Variants in OXR1 observed in about 807,000 individuals in gnomAD.
The protein encoded by OXR1 is oxidation resistance 1, also known as oxidation resistance protein 1.
In OXR1, 41 loss-of-function variants were observed where a neutral mutation model predicts 104.6. The ratio of observed to expected loss-of-function variants is 0.39; its 90% CI spans 0.31 to 0.51. OXR1 has a LOEUF of 0.51. OXR1 is among the 20% of genes least tolerant of loss of function. OXR1 has a pLI of 0.77. For missense variants in OXR1, 955 were observed against 1,031.9 expected, an observed-to-expected ratio of 0.93 and a Z score of 1.02; for synonymous variants, 348 against 348.4, an observed-to-expected ratio of 1.00 and a Z score of 0.01.
chr8:106,659,350 C>G (rs975455329), intron 3 of OXR1, among the ~76,000 whole-genome samples: 1 of 152,156 alleles, frequency 6.6e-6, no homozygotes, highest in Admixed American at 6.5e-5. Flanking sequence ...ATATTAAAGT[C>G]TCATTTTAGC....
chr8:106,660,615 G>A (rs1014014144), intron 3 of OXR1, among the ~76,000 whole-genome samples: 6 of 152,126 alleles, frequency 3.9e-5, no homozygotes, highest in African/African-American at 1.4e-4. Context: ...ACCCAACATC[G>A]GAGGAGTTAC....
chr8:106,511,978 A>T (rs1812561408), intron 2 of OXR1, among the ~76,000 whole-genome samples: 1 of 152,174 alleles, frequency 6.6e-6, no homozygotes, highest in Non-Finnish European at 1.5e-5. Flanking sequence ...CGTGTATAAC[A>T]TGTGGCCTTT....
intron 11 of OXR1, among the ~76,000 whole-genome samples, chr8:106,731,067 T>C (rs1433669026): frequency 6.6e-6 from 1 of 152,208 alleles, no homozygotes; most frequent in Non-Finnish European, 1.5e-5. Context: ...TTTATTTAAA[T>C]AGATGTGTAG....
intron 2 of OXR1, among the ~76,000 whole-genome samples, chr8:106,446,332 T>C (rs1820009436): frequency 6.6e-6 from 1 of 152,090 alleles, no homozygotes; most frequent in Non-Finnish European, 1.5e-5. Flanking sequence ...GAAATCAAAT[T>C]TTTGAGGCCG....
At chr8:106,349,975 G>A (rs1315456355) in intron 1 of OXR1, among the ~76,000 whole-genome samples, 3 of 152,132 alleles carry the variant, frequency 2.0e-5, no homozygotes, top group Non-Finnish European at 4.4e-5. Flanking sequence ...AAACAAGAGT[G>A]GATGTAAAAA....
At chr8:106,337,705 C>A (rs1205881928) in intron 1 of OXR1, among the ~76,000 whole-genome samples, 1 of 152,146 alleles carries the variant, frequency 6.6e-6, no homozygotes, top group Non-Finnish European at 1.5e-5. Flanking sequence ...GAGGTCATAT[C>A]TTTTCCTTCA....
chr8:106,749,319 G>C (rs1835680413), intron 16 of OXR1, among the ~76,000 whole-genome samples: 1 of 150,960 alleles, frequency 6.6e-6, no homozygotes, highest in African/African-American at 2.4e-5. Context: ...CTCCAGCTAG[G>C]GTGACAGAGC....
chr8:106,303,405 A>T (rs1277763876), intron 1 of OXR1, among the ~76,000 whole-genome samples: 1 of 149,436 alleles, frequency 6.7e-6, no homozygotes, highest in African/African-American at 2.5e-5. Context: ...CGCCCGGCTA[A>T]TTTTTTGTAT....
At chr8:106,438,033 G>A (rs185624652) in intron 2 of OXR1, among the ~76,000 whole-genome samples, 1 of 152,150 alleles carries the variant, frequency 6.6e-6, no homozygotes, top group African/African-American at 2.4e-5. Context: ...TTTGATGTGT[G>A]ATGTGCCATG....
intron 14 of OXR1, among the ~76,000 whole-genome samples, chr8:106,741,597 G>T (rs1834921874): frequency 1.3e-5 from 2 of 152,090 alleles, no homozygotes. Context: ...GACAGTGACT[G>T]TACAGATTAT....
chr8:106,347,915 A>G (rs1815564992), intron 1 of OXR1, among the ~76,000 whole-genome samples: 1 of 152,218 alleles, frequency 6.6e-6, no homozygotes. Context: ...GGTAAACCGT[A>G]ACATGAGTTT....
chr8:106,555,827 C>A (rs1816220178), intron 3 of OXR1, among the ~76,000 whole-genome samples: 1 of 149,676 alleles, frequency 6.7e-6, no homozygotes, highest in Non-Finnish European at 1.5e-5. Flanking sequence ...AACAGATGAA[C>A]AGACAAATTA....
chr8:106,621,179 C>T (rs771484390), intron 3 of OXR1, among the ~76,000 whole-genome samples: 1 of 152,122 alleles, frequency 6.6e-6, no homozygotes, highest in Non-Finnish European at 1.5e-5. Flanking sequence ...ATTAGCAAGC[C>T]ACAACCCACA....
intron 2 of OXR1, among the ~76,000 whole-genome samples, chr8:106,477,475 C>T (rs1434926210): frequency 6.6e-6 from 1 of 151,906 alleles, no homozygotes; most frequent in Non-Finnish European, 1.5e-5. Flanking sequence ...TTACTTTTCT[C>T]TAGACTTTGA....
At chr8:106,548,301 CG>C (rs1815532527) in intron 3 of OXR1, among the ~76,000 whole-genome samples, 1 of 152,146 alleles carries the variant, frequency 6.6e-6, no homozygotes, top group African/African-American at 2.4e-5. Context: ...CTAGGTTAAA[CG>C]ACTACTTAAC....
intron 3 of OXR1, among the ~76,000 whole-genome samples, chr8:106,612,871 T>G (rs1279009969): frequency 1.3e-5 from 2 of 152,106 alleles, no homozygotes; most frequent in East Asian, 3.9e-4. Flanking sequence ...GAGAGGCAGG[T>G]GGGTTAAGTA....
intron 1 of OXR1, among the ~76,000 whole-genome samples, chr8:106,316,082 C>T (rs926471360): frequency 2.0e-5 from 3 of 152,084 alleles, no homozygotes; most frequent in Admixed American, 6.5e-5. Flanking sequence ...TGTAGTAAGT[C>T]GACAGTGCAT....
chr8:106,711,869 C>T (rs970251189), intron 10 of OXR1, among the ~76,000 whole-genome samples: 1 of 152,090 alleles, frequency 6.6e-6, no homozygotes, highest in African/African-American at 2.4e-5. Flanking sequence ...CTTTGCTAGA[C>T]AGTAAGATAC....
intron 1 of OXR1, among the ~76,000 whole-genome samples, chr8:106,324,714 C>T (rs1334300541): frequency 6.6e-5 from 10 of 152,030 alleles, no homozygotes; most frequent in Non-Finnish European, 1.0e-4. Flanking sequence ...TGAGTGCTTA[C>T]CCTGTGCCAG....
Sources: allele counts gnomAD v4.1 joint callset (sites outside exome capture counted in the v4.1 genomes callset), GRCh38; gene constraint gnomAD v4.1.1; transcripts MANE v1.5; gene names NCBI Gene and HGNC (gene_info 2026-07-23, HGNC 2026-07-21).